SMARCA1: variants seen among roughly 807,000 people sequenced by gnomAD.
SMARCA1 encodes the protein SNF2 related chromatin remodeling ATPase 1, also known as SWI/SNF-related matrix-associated actin-dependent regulator of chromatin subfamily A member 1.
Under a neutral mutation model 93.6 loss-of-function variants are expected in SMARCA1, and 17 were observed. The ratio of observed to expected loss-of-function variants is 0.18; its 90% CI spans 0.12 to 0.27. SMARCA1 has a LOEUF of 0.27. SMARCA1 is among the 10% of genes least tolerant of loss of function. The pLI, the probability that SMARCA1 is intolerant of heterozygous loss-of-function variation, is 1.00. For missense variants in SMARCA1, 630 were observed against 819.0 expected, an observed-to-expected ratio of 0.77 and a Z score of 2.82; for synonymous variants, 271 against 271.4, an observed-to-expected ratio of 1.00 and a Z score of 0.01.
intron 5 of SMARCA1, 60 bp from the exon 6 acceptor site, chrX:129,512,043 G>C (rs1935036924): frequency 1.1e-6 from 1 of 909,096 alleles, no homozygotes; most frequent in South Asian, 2.5e-5. Context: ...GAAACATTTT[G>C]TTAGGAACAA....
At chrX:129,502,364 G>A (rs748929949) in intron 9 of SMARCA1, among the ~76,000 whole-genome samples, 1 of 111,684 alleles carries the variant, frequency 9.0e-6, no homozygotes, top group Non-Finnish European at 1.9e-5. Context: ...GAAAGGGACT[G>A]ATAGGGGTGG....
chrX:129,494,371 T>C (rs1016415178), intron 12 of SMARCA1, among the ~76,000 whole-genome samples: 5 of 110,863 alleles, frequency 4.5e-5, no homozygotes, highest in Non-Finnish European at 9.4e-5. Flanking sequence ...TCAGAGAGAG[T>C]GAAAAAACTA....
At chrX:129,454,861 T>C (rs7884593) in intron 23 of SMARCA1, among the ~76,000 whole-genome samples, 2,029 of 111,650 alleles carry the variant, frequency 0.018, 58 homozygotes, top group African/African-American at 0.061. Context: ...AAAGAGCTCA[T>C]CATCACTGGT....
In SMARCA1 at chrX:129,499,803, A is replaced by C. The variant is rs765535153; in HGVS notation, c.1206T>G (p.Asp402Glu). The C allele has an allele frequency of 8.5e-7, 1 of 1,174,300 alleles. No homozygotes were observed. Among genetic ancestry groups the C allele is most frequent in the African/African-American group, 1.8e-5 (1 of 56,505 alleles). The stretch of plus-strand genomic sequence containing the variant: ...TTTTAGGTGGCAGACTCTTCTCTAC[A>C]TCAGTTTTTATACGGCGTAACAAAA... ...KPFLLRRIKT[D>E]VEKSLPPKKE... The change falls in exon 10 of 25, where the codon GAT becomes GAG. Residue 402 changes from aspartate (D) to glutamate (E), a missense_variant. Asp to Glu is a conservative substitution (Grantham distance 45). This residue lies in a region of SMARCA1 where 382 missense variants were observed against 537.9 expected (regional missense o/e 0.71). Transcript: ENST00000371121.
chrX:129,514,825 G>A (rs1935136676), intron 5 of SMARCA1, among the ~76,000 whole-genome samples: 1 of 111,230 alleles, frequency 9.0e-6, no homozygotes, highest in Non-Finnish European at 1.9e-5. Context: ...CGAAGCAGGT[G>A]GATCACAAGG....
At chrX:129,480,157 C>T (rs922701403) in intron 19 of SMARCA1, among the ~76,000 whole-genome samples, 4 of 112,190 alleles carry the variant, frequency 3.6e-5, no homozygotes, top group Non-Finnish European at 7.5e-5. Flanking sequence ...CTCATGAAAA[C>T]TAGGATTCTA....
At chrX:129,496,621 G>C (rs768240839) in intron 12 of SMARCA1, 129 bp downstream of exon 12, 30 of 502,492 alleles carry the variant, frequency 6.0e-5, no homozygotes, top group Admixed American at 1.2e-4. Context: ...AAGAGAGAAA[G>C]AGATGCTAAT....
chrX:129,493,560 G>A (rs896461711), intron 12 of SMARCA1, among the ~76,000 whole-genome samples: 21 of 111,321 alleles, frequency 1.9e-4, no homozygotes, highest in Admixed American at 1.9e-4. Context: ...AGAAAGCAGC[G>A]TGGTGTAGTG....
intron 23 of SMARCA1, 57 bp from the exon 24 acceptor site, chrX:129,448,500 G>A (rs991911201): frequency 2.5e-5 from 25 of 996,472 alleles, no homozygotes; most frequent in Non-Finnish European, 3.2e-5. Context: ...TCTTTAAAAC[G>A]CTGACAACTA....
chrX:129,480,383 G>A (rs770411056), intron 19 of SMARCA1, among the ~76,000 whole-genome samples: 27 of 112,003 alleles, frequency 2.4e-4, no homozygotes, highest in Non-Finnish European at 4.5e-4. Context: ...ATTAACATTC[G>A]CTTTTAACCG....
At chrX:129,512,133 T>C in intron 5 of SMARCA1, 150 bp from the exon 6 acceptor site, 1 of 450,523 alleles carries the variant, frequency 2.2e-6, no homozygotes, top group Non-Finnish European at 3.8e-6. Flanking sequence ...CCAAATACCT[T>C]TTTTTAAAGA....
intron 20 of SMARCA1, among the ~76,000 whole-genome samples, chrX:129,469,434 A>G (rs990269008): frequency 8.0e-5 from 9 of 112,031 alleles, no homozygotes; most frequent in African/African-American, 2.9e-4. Context: ...CTACAAGCAG[A>G]ACGTTATTGG....
chrX:129,463,614 C>A (rs1932843080), intron 23 of SMARCA1, among the ~76,000 whole-genome samples: 1 of 111,618 alleles, frequency 9.0e-6, no homozygotes, highest in Non-Finnish European at 1.9e-5. Flanking sequence ...TTCTTTTGTA[C>A]AAGTATAGCA....
chrX:129,489,620 C>T (rs56079338), intron 15 of SMARCA1, among the ~76,000 whole-genome samples: 11,654 of 112,060 alleles, frequency 0.1, 513 homozygotes, highest in East Asian at 0.32. Flanking sequence ...TGCAGTGGCG[C>T]GATCTCGGCT....
intron 10 of SMARCA1, 114 bp from the exon 11 acceptor site, chrX:129,498,185 G>C: frequency 2.0e-6 from 1 of 502,578 alleles, no homozygotes; most frequent in Non-Finnish European, 3.5e-6. Context: ...GATTTGATTT[G>C]AGATTAAATC....
Position 129,508,038 on chromosome X carries a change from T to G in SMARCA1, c.869A>C (p.Tyr290Ser). The G allele has an allele frequency of 8.4e-7, 1 of 1,190,035 alleles. No homozygotes were observed. Among genetic ancestry groups the G allele is most frequent in the Non-Finnish European group, 1.1e-6 (1 of 880,565 alleles). Residue 290 changes from tyrosine to serine, a missense_variant, in exon 7 of 25, where the codon TAT (tyrosine) becomes TCT (serine). Coordinates refer to ENST00000371121, the MANE Select transcript of SMARCA1 (RefSeq NM_001282874.2). The part of the protein sequence containing the change: ...PGEWDVCVTS[Y>S]EMVIKEKSVF... ...AGATTTTTCTTTAATTACCATCTCA[T>G]AAGAAGTAACGCAAACATCCCACTC...
chrX:129,479,700 ATTTTATTTTATTTTT>A (rs1317875741), intron 19 of SMARCA1, among the ~76,000 whole-genome samples: 1 of 85,608 alleles, frequency 1.2e-5, no homozygotes, highest in African/African-American at 4.2e-5. Context: ...ATTTTATTTT[ATTTTATTTTATTTTT>A]GGGACAGAGT....
At chrX:129,480,614 A>T in intron 19 of SMARCA1, 87 bp downstream of exon 19, 1 of 365,235 alleles carries the variant, frequency 2.7e-6, no homozygotes, top group Non-Finnish European at 4.3e-6. Flanking sequence ...CTCTCAAATT[A>T]AAATGCAACA....
intron 23 of SMARCA1, among the ~76,000 whole-genome samples, chrX:129,452,582 G>C (rs772564252): frequency 3.9e-4 from 44 of 112,400 alleles, no homozygotes; most frequent in Non-Finnish European, 3.9e-4. Flanking sequence ...CTAATGCAGA[G>C]TGGAAATGTG....
Sources: allele counts gnomAD v4.1 joint callset (sites outside exome capture counted in the v4.1 genomes callset), GRCh38; gene constraint gnomAD v4.1.1; regional missense constraint gnomAD v4.1.1; transcripts MANE v1.5; gene names NCBI Gene and HGNC (gene_info 2026-07-23, HGNC 2026-07-21).